CDH12: variants seen among roughly 807,000 people sequenced by gnomAD.
CDH12 encodes the protein cadherin 12.
CDH12 carries 41 observed loss-of-function variants against 74.1 expected under a neutral mutation model. That is an observed-to-expected ratio of 0.55 (90% confidence interval 0.43 to 0.72). The LOEUF is 0.72. Ranked by LOEUF, CDH12 falls within the 30% of genes least tolerant of loss-of-function variation. The pLI is 0.00. For missense variants in CDH12, 945 were observed against 977.2 expected (o/e 0.97, Z 0.44); for synonymous variants, 399 against 355.0 (o/e 1.12, Z -1.39).
rs554123477 is a variant in CDH12 at position 22,729,814 on chromosome 5, C to T, written c.-523+123244G>A. ...ATTGGCTAAATTCAGTTTCAGGTTT[C>T]CACTGACTTCTATACGGCTCTCTGC... On this transcript the variant is annotated intron_variant, in intron 1 of 14. Coordinates refer to ENST00000382254, the MANE Select transcript of CDH12 (RefSeq NM_004061.5). Among the ~76,000 whole-genome samples the T allele has an allele frequency of 3.7e-4, 56 of 151,994 alleles. 1 individual carries two copies. The highest frequency in any genetic ancestry group is 2.3e-3 in the Admixed American group (35 of 15,222).
intron 5 of CDH12, among the ~76,000 whole-genome samples, chr5:22,029,295 C>T (rs1365367381): frequency 2.0e-5 from 3 of 152,146 alleles, no homozygotes; most frequent in East Asian, 1.9e-4. Flanking sequence ...GTCTGCACAG[C>T]AAAAGAAACT....
chr5:22,545,560 C>T (rs185925093), intron 1 of CDH12, among the ~76,000 whole-genome samples: 466 of 152,276 alleles, frequency 3.1e-3, no homozygotes, highest in Non-Finnish European at 5.5e-3. Context: ...AGGATACCAG[C>T]ATTTCTAACT....
At chr5:22,029,455 T>C (rs1260117925) in intron 5 of CDH12, among the ~76,000 whole-genome samples, 2 of 151,062 alleles carry the variant, frequency 1.3e-5, no homozygotes, top group Non-Finnish European at 1.5e-5. Flanking sequence ...GGGCGAAGGA[T>C]ATGAACAGAC....
At chr5:22,427,705 G>C (rs958884773) in intron 2 of CDH12, among the ~76,000 whole-genome samples, 2 of 152,120 alleles carry the variant, frequency 1.3e-5, no homozygotes, top group Non-Finnish European at 2.9e-5. Flanking sequence ...GTTAAAAAAG[G>C]TTGCTAGATA....
chr5:22,189,512 C>A (rs1222891286), intron 4 of CDH12, among the ~76,000 whole-genome samples: 1 of 151,664 alleles, frequency 6.6e-6, no homozygotes. Context: ...TCAATAGTAA[C>A]AATCAGGAGA....
At chr5:22,413,916 C>T (rs536176193) in intron 2 of CDH12, among the ~76,000 whole-genome samples, 78 of 152,018 alleles carry the variant, frequency 5.1e-4, no homozygotes, top group Non-Finnish European at 9.3e-4. Flanking sequence ...TTCTCTCTCT[C>T]TTTATACATC....
intron 5 of CDH12, among the ~76,000 whole-genome samples, chr5:22,007,455 TTTTTAGTTAAA>T (rs1309410811): frequency 1.5e-5 from 2 of 137,914 alleles, no homozygotes; most frequent in Non-Finnish European, 3.1e-5. Context: ...ATACAACTTT[TTTTTAGTTAAA>T]AAAATAGTAA....
chr5:22,501,807 C>A (rs185364085), intron 2 of CDH12, among the ~76,000 whole-genome samples: 419 of 151,126 alleles, frequency 2.8e-3, no homozygotes, highest in Non-Finnish European at 4.5e-3. Context: ...GTCAACTCAG[C>A]AGGACACAGT....
chr5:22,713,111 C>T (rs1199268138), intron 1 of CDH12, among the ~76,000 whole-genome samples: 1 of 144,654 alleles, frequency 6.9e-6, no homozygotes, highest in Non-Finnish European at 1.5e-5. Flanking sequence ...CATTTACTTT[C>T]CATATGATCT....
chr5:22,240,506 G>C (rs1414471258), intron 3 of CDH12, among the ~76,000 whole-genome samples: 2 of 152,106 alleles, frequency 1.3e-5, no homozygotes, highest in Non-Finnish European at 2.9e-5. Context: ...TTTGGGAAGA[G>C]GACGGGCAAA....
At chr5:22,538,013 AAAC>A (rs1195751490) in intron 1 of CDH12, among the ~76,000 whole-genome samples, 4 of 152,170 alleles carry the variant, frequency 2.6e-5, no homozygotes, top group Non-Finnish European at 5.9e-5. Flanking sequence ...AGCATGCAGT[AAAC>A]TAGGAATTCA....
chr5:22,301,094 C>T (rs559802272), intron 3 of CDH12, among the ~76,000 whole-genome samples: 2 of 152,140 alleles, frequency 1.3e-5, no homozygotes, highest in Middle Eastern at 3.4e-3. Context: ...ATACTTTGTC[C>T]TTTATTTTAG....
intron 8 of CDH12, among the ~76,000 whole-genome samples, chr5:21,825,913 G>GC (rs1342617552): frequency 1.3e-5 from 2 of 152,164 alleles, no homozygotes; most frequent in Non-Finnish European, 2.9e-5. Context: ...AAACTTGGTT[G>GC]CATTTTGGTA....
At chr5:22,106,891 A>G (rs1744476886) in intron 4 of CDH12, among the ~76,000 whole-genome samples, 1 of 152,224 alleles carries the variant, frequency 6.6e-6, no homozygotes, top group South Asian at 2.1e-4. Context: ...ATGCATCTTA[A>G]TAGAAATATA....
At chr5:22,285,946 G>C (rs1422023331) in intron 3 of CDH12, among the ~76,000 whole-genome samples, 1 of 151,702 alleles carries the variant, frequency 6.6e-6, no homozygotes, top group Non-Finnish European at 1.5e-5. Flanking sequence ...TAAGATAAAT[G>C]CATATATATC....
chr5:22,252,302 GCAA>G (rs946944879), intron 3 of CDH12, among the ~76,000 whole-genome samples: 5 of 151,768 alleles, frequency 3.3e-5, no homozygotes, highest in African/African-American at 1.2e-4. Flanking sequence ...ATATAATAAT[GCAA>G]CAACATTTTT....
chr5:22,014,213 A>G (rs553440842), intron 5 of CDH12, among the ~76,000 whole-genome samples: 1 of 152,302 alleles, frequency 6.6e-6, no homozygotes, highest in East Asian at 1.9e-4. Flanking sequence ...CCTGGGTGAC[A>G]GAGCAAGACT....
intron 1 of CDH12, among the ~76,000 whole-genome samples, chr5:22,537,707 T>TA (rs767545922): frequency 2.1e-4 from 32 of 152,232 alleles, no homozygotes; most frequent in Non-Finnish European, 3.5e-4. Context: ...TCTCTCACTC[T>TA]AAAAAAACAA....
At chr5:22,390,233 C>T (rs569616501) in intron 3 of CDH12, among the ~76,000 whole-genome samples, 15 of 152,106 alleles carry the variant, frequency 9.9e-5, no homozygotes, top group Non-Finnish European at 1.9e-4. Context: ...CCAAGAACCT[C>T]GACCTTAACA....
Sources: allele counts gnomAD v4.1 joint callset (sites outside exome capture counted in the v4.1 genomes callset), GRCh38; gene constraint gnomAD v4.1.1; transcripts MANE v1.5; gene names NCBI Gene and HGNC (gene_info 2026-07-23, HGNC 2026-07-21).